PTPRD: variants seen among roughly 807,000 people sequenced by gnomAD.
The protein encoded by PTPRD is receptor-type tyrosine-protein phosphatase delta.
A neutral mutation model predicts 214.5 loss-of-function variants in PTPRD; 34 were observed. The ratio of observed to expected loss-of-function variants is 0.16; its 90% CI spans 0.12 to 0.21. PTPRD has a LOEUF of 0.21. Ranked by LOEUF, PTPRD falls within the 10% of genes least tolerant of loss-of-function variation. The pLI, the probability that PTPRD is intolerant of heterozygous loss-of-function variation, is 1.00. For missense variants in PTPRD, 2,545 were observed against 2,398.7 expected (o/e 1.06, Z -1.27); for synonymous variants, 1,128 against 845.7 (o/e 1.33, Z -5.79).
At chr9:9,874,067 A>T (rs1010682873) in intron 5 of PTPRD, among the ~76,000 whole-genome samples, 1 of 152,162 alleles carries the variant, frequency 6.6e-6, no homozygotes, top group African/African-American at 2.4e-5. Context: ...TTTTTAGGAC[A>T]AAAACATTTT....
At chr9:9,471,927 C>T (rs2094616214) in intron 8 of PTPRD, among the ~76,000 whole-genome samples, 2 of 152,002 alleles carry the variant, frequency 1.3e-5, no homozygotes, top group Admixed American at 6.6e-5. Flanking sequence ...TTTTTAACTA[C>T]AGTTTACTCC....
rs554212547 is a variant in PTPRD at position 8,325,449 on chromosome 9, A to G, written c.5535-5483T>C. On this transcript the variant is annotated intron_variant, in intron 44 of 45. Coordinates refer to ENST00000381196, the MANE Select transcript of PTPRD (RefSeq NM_002839.4). ...GGCCTCTGTTCTGTTCCATTGGTCT[A>G]TATCTCTGTTTTGGTACCAGTACCA... is the stretch of plus-strand genomic sequence containing the variant. 3.4e-3 allele frequency among the ~76,000 whole-genome samples: 501 copies of G among 148,292 alleles called. 9 individuals carry two copies. Among genetic ancestry groups the G allele is most frequent in the African/African-American group, 0.012 (473 of 40,236 alleles).
At chr9:9,925,496 A>G (rs956235702) in intron 5 of PTPRD, among the ~76,000 whole-genome samples, 1 of 152,116 alleles carries the variant, frequency 6.6e-6, no homozygotes, top group Non-Finnish European at 1.5e-5. Context: ...TTGGATAACT[A>G]AAAGAATATG....
At chr9:8,715,447 A>T (rs1419900787) in intron 12 of PTPRD, among the ~76,000 whole-genome samples, 1 of 152,214 alleles carries the variant, frequency 6.6e-6, no homozygotes, top group Non-Finnish European at 1.5e-5. Context: ...CAGTAGGTGT[A>T]GAATATATAG....
chr9:9,680,388 G>A (rs2097041348), intron 7 of PTPRD, among the ~76,000 whole-genome samples: 2 of 151,762 alleles, frequency 1.3e-5, no homozygotes, highest in Non-Finnish European at 2.9e-5. Context: ...TGTGGATCAA[G>A]CCCAGAAATT....
chr9:8,627,151 G>A (rs1444898600), intron 14 of PTPRD, among the ~76,000 whole-genome samples: 1 of 151,740 alleles, frequency 6.6e-6, no homozygotes, highest in Non-Finnish European at 1.5e-5. Flanking sequence ...TTGCACCCAT[G>A]GCACTTGAGC....
At chr9:10,085,833 G>A (rs977727069) in intron 3 of PTPRD, among the ~76,000 whole-genome samples, 1 of 151,836 alleles carries the variant, frequency 6.6e-6, no homozygotes, top group Admixed American at 6.6e-5. Flanking sequence ...TTCCTTAGAG[G>A]TCACCTGTAA....
chr9:9,865,498 G>A (rs1315810458), intron 5 of PTPRD, among the ~76,000 whole-genome samples: 1 of 152,118 alleles, frequency 6.6e-6, no homozygotes, highest in Non-Finnish European at 1.5e-5. Flanking sequence ...GGACACCACA[G>A]TGTCCCCACA....
intron 9 of PTPRD, among the ~76,000 whole-genome samples, chr9:9,342,205 C>T (rs1185705489): frequency 6.6e-6 from 1 of 152,082 alleles, no homozygotes; most frequent in African/African-American, 2.4e-5. Context: ...ATGTTGTGGT[C>T]AAGTGATATT....
chr9:9,366,279 T>G (rs921733793), intron 9 of PTPRD, among the ~76,000 whole-genome samples: 9 of 151,530 alleles, frequency 5.9e-5, no homozygotes, highest in Non-Finnish European at 1.0e-4. Context: ...AGGGATTCTT[T>G]TTGGTGAGGA....
intron 4 of PTPRD, among the ~76,000 whole-genome samples, chr9:9,973,816 A>G (rs2095249334): frequency 1.3e-5 from 2 of 151,806 alleles, no homozygotes; most frequent in Admixed American, 6.6e-5. Context: ...TTTTATTTGT[A>G]TTTTTAATCA....
intron 10 of PTPRD, among the ~76,000 whole-genome samples, chr9:9,174,834 C>G (rs553251073): frequency 5.9e-5 from 9 of 151,412 alleles, no homozygotes; most frequent in African/African-American, 1.7e-4. Flanking sequence ...TTTTTAAGAC[C>G]GTGAGATTTG....
At chr9:8,832,374 G>T (rs1346317353) in intron 11 of PTPRD, among the ~76,000 whole-genome samples, 1 of 145,024 alleles carries the variant, frequency 6.9e-6, no homozygotes, top group Non-Finnish European at 1.5e-5. Context: ...AAAACAAAAA[G>T]ATGTCAAATG....
intron 3 of PTPRD, among the ~76,000 whole-genome samples, chr9:10,035,771 C>T (rs1428335609): frequency 6.6e-6 from 1 of 151,620 alleles, no homozygotes; most frequent in East Asian, 1.9e-4. Flanking sequence ...GTTCCTTATT[C>T]ATGAAATTCC....
At chr9:10,050,385 T>C (rs1283458939) in intron 3 of PTPRD, among the ~76,000 whole-genome samples, 1 of 150,930 alleles carries the variant, frequency 6.6e-6, no homozygotes, top group Non-Finnish European at 1.5e-5. Context: ...TGGTGAAACA[T>C]CATCTTTACT....
At chr9:9,628,316 C>G (rs2095485171) in intron 7 of PTPRD, among the ~76,000 whole-genome samples, 1 of 152,156 alleles carries the variant, frequency 6.6e-6, no homozygotes, top group Non-Finnish European at 1.5e-5. Flanking sequence ...GGGGCTTATT[C>G]CATATCCTAC....
At chr9:10,051,949 T>C (rs2097543099) in intron 3 of PTPRD, among the ~76,000 whole-genome samples, 1 of 152,120 alleles carries the variant, frequency 6.6e-6, no homozygotes, top group African/African-American at 2.4e-5. Flanking sequence ...TCCTCTCTTT[T>C]TGTTTTTGTT....
At chr9:10,302,717 T>C (rs1054323951) in intron 3 of PTPRD, among the ~76,000 whole-genome samples, 73 of 152,260 alleles carry the variant, frequency 4.8e-4, no homozygotes, top group African/African-American at 1.7e-3. Flanking sequence ...GAGCTAACTG[T>C]CCCAAATATA....
chr9:8,657,298 G>A (rs191950178), intron 12 of PTPRD, among the ~76,000 whole-genome samples: 1 of 151,544 alleles, frequency 6.6e-6, no homozygotes, highest in African/African-American at 2.4e-5. Flanking sequence ...CTCCTGAGTA[G>A]CTGGAATTAC....
Sources: gnomAD v4.1 joint callset for allele counts (sites outside exome capture counted in the v4.1 genomes callset) on GRCh38, gnomAD v4.1.1 for gene constraint, MANE v1.5 for transcripts, NCBI Gene and HGNC (gene_info 2026-07-23, HGNC 2026-07-21) for gene names.